The following SNX7 variants were observed in gnomAD, a reference collection of about 807,000 sequenced individuals.
SNX7 encodes the protein sorting nexin-7.
A neutral mutation model predicts 48.4 loss-of-function variants in SNX7; 35 were observed. That is an observed-to-expected ratio of 0.72 (90% CI 0.55 to 0.96). SNX7 has a LOEUF of 0.96. Ranked by LOEUF, SNX7 falls within the 40% of genes least tolerant of loss-of-function variation. The pLI, the probability that SNX7 is intolerant of heterozygous loss-of-function variation, is 0.00. For missense variants in SNX7, 553 were observed against 548.9 expected (o/e 1.01, Z -0.07); for synonymous variants, 190 against 190.2 (o/e 1.00, Z 0.01).
rs560819133 is a variant in SNX7, at chr1:98,674,589, C to T, written c.181-10296C>T. Among the ~76,000 whole-genome samples the T allele has an allele frequency of 1.2e-3, 190 of 152,290 alleles. 1 individual carries two copies. The highest frequency in any genetic ancestry group is 4.3e-3 in the African/African-American group (179 of 41,554). The stretch of plus-strand genomic sequence containing the variant: ...CCCATGTCCAAATAAGGTCACACTC[C>T]ACGGTACTGGGGATTTGGGCTTCAG... On this transcript the variant is annotated intron_variant, in intron 1 of 8. Coordinates refer to ENST00000306121, the MANE Select transcript of SNX7 (RefSeq NM_015976.5).
At chr1:98,684,802 AT>A in intron 1 of SNX7, 82 bp from the exon 2 acceptor site, 1 of 971,720 alleles carries the variant, frequency 1.0e-6, no homozygotes, top group Non-Finnish European at 1.4e-6. Flanking sequence ...TTCTTGATAT[AT>A]TTCATTAATA....
intron 8 of SNX7, among the ~76,000 whole-genome samples, chr1:98,759,512 C>T (rs4908025): frequency 0.16 from 23,571 of 152,056 alleles, 1,925 homozygotes; most frequent in South Asian, 0.19. Context: ...ACCATCATAA[C>T]AGTTGCTAAC....
At chr1:98,742,318 T>C (rs1315568573) in intron 8 of SNX7, among the ~76,000 whole-genome samples, 1 of 152,118 alleles carries the variant, frequency 6.6e-6, no homozygotes, top group African/African-American at 2.4e-5. Context: ...GTGTGCCTGC[T>C]AAATTACCAT....
chr1:98,752,802 G>A (rs879733691), intron 8 of SNX7, among the ~76,000 whole-genome samples: 1 of 151,928 alleles, frequency 6.6e-6, no homozygotes, highest in Non-Finnish European at 1.5e-5. Context: ...TATATAAAGG[G>A]AATTAATTTC....
rs1400594108 is a variant in SNX7 at position 98,695,503 on chromosome 1, G to GT, written c.640-9dup. ...AGACTTGTTTCACTAGAAATACTTG[G>GT]TTTTTTGTTTCTAGGAACTCTCTTC... is the stretch of plus-strand genomic sequence containing the variant. On this transcript the variant is annotated splice_polypyrimidine_tract_variant and intron_variant, in intron 4 of 8. Transcript: ENST00000306121. 13 of 1,608,986 alleles carry GT rather than the reference G, an allele frequency of 8.1e-6. No individual in the cohort carries two copies. The highest frequency in any genetic ancestry group is 1.0e-5 in the Non-Finnish European group (12 of 1,178,396).
chr1:98,686,108 C>G (rs1650780697), intron 2 of SNX7, among the ~76,000 whole-genome samples: 1 of 152,100 alleles, frequency 6.6e-6, no homozygotes, highest in Admixed American at 6.6e-5. Context: ...GTGTCCATCC[C>G]CTTCTTAGAC....
chr1:98,662,783 G>A (rs1649318308), intron 1 of SNX7: 2 of 1,289,228 alleles, frequency 1.6e-6, no homozygotes, highest in Middle Eastern at 2.1e-4. Context: ...TTACTAAGAA[G>A]CCTGTTCATT....
chr1:98,661,834 A>G lies in SNX7; in HGVS notation c.103A>G (p.Ser35Gly), dbSNP rs1267723314. Residue 35 changes from serine (S) to glycine (G), a missense_variant, in exon 1 of 9, where the codon AGT (serine) becomes GGT (glycine). Physicochemically the swap from Ser to Gly is moderately conservative, Grantham distance 56 (BLOSUM62 0). Transcript: ENST00000306121. ...GGGCGGCGCCCCCTTTCCGGGCAGC[A>G]GTGGCTCTTCCGCCCTGCTGCAGGC... ...PGGGAPFPGS[S>G]GSSALLQAEV... 1.1e-5 allele frequency: 14 copies of G among 1,246,176 alleles called. No individual in the cohort carries two copies. The highest frequency in any genetic ancestry group is 4.2e-5 in the Admixed American group (1 of 23,674). 77.2% of individuals were successfully genotyped at this position (1,246,176 alleles called of 1,614,324 possible).
At chr1:98,727,829 A>G (rs1048747582) in intron 7 of SNX7, among the ~76,000 whole-genome samples, 1 of 152,078 alleles carries the variant, frequency 6.6e-6, no homozygotes, top group African/African-American at 2.4e-5. Flanking sequence ...GGCAGACAAT[A>G]TTAGAGCAAA....
chr1:98,751,220 T>C (rs1462348104), intron 8 of SNX7, among the ~76,000 whole-genome samples: 3 of 152,066 alleles, frequency 2.0e-5, no homozygotes, highest in Non-Finnish European at 4.4e-5. Flanking sequence ...ATTTACTCTT[T>C]AGAAAACTTG....
chr1:98,662,938 T>A, intron 1 of SNX7: 2 of 874,668 alleles, frequency 2.3e-6, no homozygotes, highest in African/African-American at 1.8e-5. Flanking sequence ...TACTTCGGTT[T>A]AAATGGAATG....
chr1:98,671,220 G>A (rs1649846353), intron 1 of SNX7, among the ~76,000 whole-genome samples: 1 of 152,114 alleles, frequency 6.6e-6, no homozygotes, highest in Admixed American at 6.5e-5. Context: ...TTTCATTGGA[G>A]TCACCTTAAG....
intron 7 of SNX7, among the ~76,000 whole-genome samples, chr1:98,728,858 T>A (rs4630149): frequency 0.94 from 143,353 of 152,210 alleles, 67,866 homozygotes; most frequent in Non-Finnish European, 0.99. Context: ...ATACTTTAAC[T>A]TACCACTTTC....
chr1:98,732,423 C>T (rs1477449109), intron 7 of SNX7, among the ~76,000 whole-genome samples: 1 of 151,982 alleles, frequency 6.6e-6, no homozygotes, highest in Non-Finnish European at 1.5e-5. Flanking sequence ...AGAAAAGGAG[C>T]AGGTAGGGGA....
intron 7 of SNX7, among the ~76,000 whole-genome samples, chr1:98,702,349 T>G (rs1470870783): frequency 1.3e-5 from 2 of 152,126 alleles, no homozygotes; most frequent in Non-Finnish European, 2.9e-5. Flanking sequence ...GTTTGCAAGT[T>G]TAATCTTTCC....
intron 7 of SNX7, among the ~76,000 whole-genome samples, chr1:98,728,041 A>G (rs1460162007): frequency 6.6e-6 from 1 of 152,166 alleles, no homozygotes; most frequent in Non-Finnish European, 1.5e-5. Context: ...AGAGAATCCC[A>G]GTAAGATATT....
At chr1:98,741,778 A>G (rs1289189441) in intron 8 of SNX7, among the ~76,000 whole-genome samples, 1 of 152,156 alleles carries the variant, frequency 6.6e-6, no homozygotes, top group Non-Finnish European at 1.5e-5. Context: ...GTGCAAAAGA[A>G]TATCTGCTTT....
At chr1:98,685,749 CT>C (rs1650759305) in intron 2 of SNX7, among the ~76,000 whole-genome samples, 1 of 152,214 alleles carries the variant, frequency 6.6e-6, no homozygotes, top group South Asian at 2.1e-4. Flanking sequence ...AAGTACATCT[CT>C]TTTTTTAGCT....
chr1:98,732,073 C>T lies in SNX7; in HGVS notation c.1126-6164C>T, dbSNP rs542019290. Among the ~76,000 whole-genome samples, 4 of 152,214 alleles carry T rather than the reference C, an allele frequency of 2.6e-5. No individual in the cohort carries two copies. The East Asian group carries it at 7.7e-4, about 29-fold the overall frequency. The stretch of plus-strand genomic sequence containing the variant: ...CTATTGAATGTGGTTGGCTTTCTCA[C>T]TATCCTAAAGTCAAAAAATCCTAAG... On this transcript the variant is annotated intron_variant, in intron 7 of 8. Transcript: ENST00000306121.
Sources: gnomAD v4.1 joint callset for allele counts (sites outside exome capture counted in the v4.1 genomes callset) on GRCh38, gnomAD v4.1.1 for gene constraint, MANE v1.5 for transcripts, NCBI Gene and HGNC (gene_info 2026-07-23, HGNC 2026-07-21) for gene names.